LRP1B: variants seen among roughly 807,000 people sequenced by gnomAD.
LRP1B encodes LDL receptor related protein 1B, also known as low-density lipoprotein receptor-related protein 1B.
In LRP1B, 217 loss-of-function variants were observed where a neutral mutation model predicts 556.6. The ratio of observed to expected loss-of-function variants is 0.39; its 90% CI spans 0.35 to 0.44. LRP1B has a LOEUF of 0.44. Among genes scored for constraint, LRP1B ranks in the 20% least tolerant of loss-of-function variants. LRP1B has a pLI of 1.00. For synonymous variants in LRP1B, 2,047 were observed against 1,865.8 expected, an observed-to-expected ratio of 1.10 and a Z score of -2.50; for missense variants, 5,053 against 5,620.8, an observed-to-expected ratio of 0.90 and a Z score of 3.23.
In LRP1B at chr2:140,284,935, T is replaced by G. The variant is rs185588997; in HGVS notation, c.12968-10337A>C. Among the ~76,000 whole-genome samples, 395 of 150,218 alleles carry G rather than the reference T, an allele frequency of 2.6e-3. 1 individual carries two copies. The highest frequency in any genetic ancestry group is 4.4e-3 in the Non-Finnish European group (297 of 67,246). On this transcript the variant is annotated intron_variant, in intron 84 of 90. Transcript: ENST00000389484. ...ATATACCTAGATATACCTAGATATCTATATATAACTCTGTATAACTAGATA... is the reference window on the plus strand; with the variant it reads ...ATATACCTAGATATACCTAGATATCGATATATAACTCTGTATAACTAGATA...
At chr2:141,861,995 A>G (rs1698260899) in intron 1 of LRP1B, among the ~76,000 whole-genome samples, 1 of 152,142 alleles carries the variant, frequency 6.6e-6, no homozygotes, top group Admixed American at 6.5e-5. Flanking sequence ...TTATGCTTTC[A>G]TATTGTTACT....
intron 67 of LRP1B, among the ~76,000 whole-genome samples, chr2:140,382,825 A>G (rs1223977413): frequency 6.6e-6 from 1 of 152,194 alleles, no homozygotes; most frequent in Non-Finnish European, 1.5e-5. Flanking sequence ...AACTACAGTT[A>G]TGTGTTACAT....
chr2:140,929,011 G>C (rs554926726), intron 20 of LRP1B, among the ~76,000 whole-genome samples: 27 of 152,222 alleles, frequency 1.8e-4, no homozygotes, highest in African/African-American at 6.5e-4. Flanking sequence ...GTATCTATTA[G>C]AGATTTTGAA....
chr2:141,057,376 A>G (rs1358983929), intron 9 of LRP1B, among the ~76,000 whole-genome samples: 1 of 151,788 alleles, frequency 6.6e-6, no homozygotes, highest in Non-Finnish European at 1.5e-5. Flanking sequence ...CTCCTTGAAC[A>G]GTCTAGACAT....
At position 140,495,562 on chromosome 2, in the gene LRP1B, T is replaced by C. The variant is rs1688887368; in HGVS notation, c.9034+3A>G. On this transcript the variant is annotated splice_donor_region_variant and intron_variant, in intron 56 of 90. Transcript: ENST00000389484. ...GGATCAGTGGGCAAGTTCAATTCGA[T>C]ACCTGAGAGCGATTTGCAGCCATTT... 1.3e-6 allele frequency: 2 copies of C among 1,573,864 alleles called. No homozygotes were observed. The highest frequency in any genetic ancestry group is 1.3e-5 in the African/African-American group (1 of 74,510).
At chr2:140,563,032 A>G (rs1450013006) in intron 43 of LRP1B, among the ~76,000 whole-genome samples, 4 of 152,188 alleles carry the variant, frequency 2.6e-5, no homozygotes, top group Non-Finnish European at 5.9e-5. Context: ...AAGATGGTAC[A>G]TATTTTTAAT....
chr2:141,511,134 G>A (rs546383875), intron 2 of LRP1B, among the ~76,000 whole-genome samples: 1 of 152,046 alleles, frequency 6.6e-6, no homozygotes, highest in Non-Finnish European at 1.5e-5. Context: ...GTGCCCTCAA[G>A]GGATTGGACT....
rs72979055 is a variant in LRP1B at position 141,359,427 on chromosome 2, G to T, written c.344-104786C>A. Reference sequence around the variant, plus strand: ...TATAAATGCTATGCACAAAATAAATGACTTACGAGGAAAAGCGTCAAATTA... The same window carrying T: ...TATAAATGCTATGCACAAAATAAATTACTTACGAGGAAAAGCGTCAAATTA... On this transcript the variant is annotated intron_variant, in intron 3 of 90. Coordinates refer to ENST00000389484, the MANE Select transcript of LRP1B (RefSeq NM_018557.3). Among the ~76,000 whole-genome samples, 945 of 152,224 alleles carry T rather than the reference G, an allele frequency of 6.2e-3. 13 individuals carry two copies. The highest frequency in any genetic ancestry group is 0.021 in the African/African-American group (878 of 41,550).
chr2:141,657,629 G>A (rs2105389611), intron 2 of LRP1B, among the ~76,000 whole-genome samples: 1 of 152,128 alleles, frequency 6.6e-6, no homozygotes, highest in South Asian at 2.1e-4. Context: ...ATGCAATAAA[G>A]GCCAAATTTT....
At chr2:141,231,948 T>G (rs1683489100) in intron 5 of LRP1B, among the ~76,000 whole-genome samples, 1 of 152,172 alleles carries the variant, frequency 6.6e-6, no homozygotes, top group Non-Finnish European at 1.5e-5. Flanking sequence ...ACTGCCTGAG[T>G]ATAAACCCAC....
intron 18 of LRP1B, among the ~76,000 whole-genome samples, chr2:140,980,289 G>A (rs952329891): frequency 5.9e-5 from 9 of 152,024 alleles, no homozygotes; most frequent in African/African-American, 2.2e-4. Flanking sequence ...GAATGAGTAT[G>A]CTCACTGTGG....
At chr2:140,709,431 AG>A (rs1290359783) in intron 37 of LRP1B, among the ~76,000 whole-genome samples, 1 of 150,626 alleles carries the variant, frequency 6.6e-6, no homozygotes, top group African/African-American at 2.4e-5. Context: ...GAAGAGGAGG[AG>A]GGGGAGGAGG....
At position 140,541,903 on chromosome 2, in the gene LRP1B, C is replaced by A. The variant is rs542052268; in HGVS notation, c.7263G>T (p.Ser2421=). Reference sequence around the variant, plus strand: ...GCAGTATAGCTCTTCTTCCCCAGTCCGACCAGAATATATAATTGTCATAAA... The same window carrying A: ...GCAGTATAGCTCTTCTTCCCCAGTCAGACCAGAATATATAATTGTCATAAA... ...LAVYDNYIFW[S]DWGRRAILRS... Residue 2421 remains serine, a synonymous_variant, in exon 44 of 91, where the codon TCG becomes TCT. Coordinates refer to ENST00000389484, the MANE Select transcript of LRP1B (RefSeq NM_018557.3). The A allele has an allele frequency of 1.2e-6, 2 of 1,612,350 alleles. No homozygotes were observed. Among genetic ancestry groups the A allele is most frequent in the Non-Finnish European group, 1.7e-6 (2 of 1,178,978 alleles).
intron 3 of LRP1B, among the ~76,000 whole-genome samples, chr2:141,413,296 G>A (rs1690924685): frequency 6.6e-6 from 1 of 152,148 alleles, no homozygotes; most frequent in Non-Finnish European, 1.5e-5. Context: ...GGCTTTACAA[G>A]TCCTTAAACA....
intron 41 of LRP1B, among the ~76,000 whole-genome samples, chr2:140,669,454 G>A (rs1485991864): frequency 2.0e-5 from 3 of 152,072 alleles, no homozygotes; most frequent in Non-Finnish European, 4.4e-5. Flanking sequence ...TGATAAACTA[G>A]AAGAGTTTTA....
intron 3 of LRP1B, among the ~76,000 whole-genome samples, chr2:141,429,772 G>A (rs1275564901): frequency 3.9e-5 from 6 of 152,154 alleles, no homozygotes; most frequent in African/African-American, 1.4e-4. Context: ...TTAGTTTGCT[G>A]AGGATAATGG....
intron 51 of LRP1B, among the ~76,000 whole-genome samples, chr2:140,510,537 G>A (rs75593081): frequency 1.4e-3 from 214 of 152,240 alleles, no homozygotes; most frequent in Middle Eastern, 6.8e-3. Flanking sequence ...GAGGCTCGGG[G>A]AAGTTGAAAA....
At chr2:141,119,848 T>C (rs549554118) in intron 7 of LRP1B, among the ~76,000 whole-genome samples, 1 of 151,874 alleles carries the variant, frequency 6.6e-6, no homozygotes, top group Non-Finnish European at 1.5e-5. Flanking sequence ...AGGCACAGAC[T>C]TGGCCTAAGA....
chr2:141,466,971 A>C (rs898200955), intron 3 of LRP1B, among the ~76,000 whole-genome samples: 8 of 129,926 alleles, frequency 6.2e-5, no homozygotes, highest in Non-Finnish European at 1.2e-4. Flanking sequence ...ATATATATAT[A>C]TCCCTAACTG....
Sources: gnomAD v4.1 joint callset for allele counts (sites outside exome capture counted in the v4.1 genomes callset) on GRCh38, gnomAD v4.1.1 for gene constraint, MANE v1.5 for transcripts, NCBI Gene and HGNC (gene_info 2026-07-23, HGNC 2026-07-21) for gene names.